UNC5B: variants seen among roughly 807,000 people sequenced by gnomAD.
UNC5B encodes the protein unc-5 netrin receptor B.
A neutral mutation model predicts 103.7 loss-of-function variants in UNC5B; 56 were observed. The observed-to-expected ratio is 0.54, with a 90% confidence interval of 0.44 to 0.67. UNC5B has a LOEUF of 0.67. Among genes scored for constraint, UNC5B ranks in the 30% least tolerant of loss-of-function variants. The pLI, the probability that UNC5B is intolerant of heterozygous loss-of-function variation, is 0.00. For synonymous variants in UNC5B, 577 were observed against 542.0 expected (o/e 1.06, Z -0.90); for missense variants, 1,194 against 1,284.5 (o/e 0.93, Z 1.08).
rs57747777 is a variant in UNC5B, at chr10:71,227,707, TACACACACAC to T, written c.79+14673_79+14682del. 3.5e-3 allele frequency among the ~76,000 whole-genome samples: 451 copies of T among 128,074 alleles called. 1 individual carries two copies. The highest frequency in any genetic ancestry group is 4.9e-3 in the Admixed American group (64 of 13,032). 84.0% of individuals were successfully genotyped at this position (128,074 alleles called of 152,430 possible). On this transcript the variant is annotated intron_variant, in intron 1 of 16. Coordinates refer to ENST00000335350, the MANE Select transcript of UNC5B (RefSeq NM_170744.5). Reference sequence around the variant, plus strand: ...ATATACACATATATATACACACATATACACACACACACACACACACACACACACACACACA... The same window carrying T: ...ATATACACATATATATACACACATATACACACACACACACACACACACACA...
chr10:71,287,911 C>T, intron 6 of UNC5B, 146 bp downstream of exon 6: 1 of 1,105,480 alleles, frequency 9.0e-7, no homozygotes, highest in Non-Finnish European at 1.2e-6. Context: ...CCCAGGCTGA[C>T]TAGATGCTCT....
rs546334241 is a variant in UNC5B at position 71,265,577 on chromosome 10, G to T, written c.80-14244G>T. Reference sequence around the variant, plus strand: ...ATCCCCAGACCCTGGGCTCATGGGGGCTTCAGCTGCATGCTGTGGCCTGGC... The same window carrying T: ...ATCCCCAGACCCTGGGCTCATGGGGTCTTCAGCTGCATGCTGTGGCCTGGC... On this transcript the variant is annotated intron_variant, in intron 1 of 16. Transcript: ENST00000335350. Among the ~76,000 whole-genome samples, 5 of 152,362 alleles carry T rather than the reference G, an allele frequency of 3.3e-5. No homozygotes were observed. In the South Asian group the frequency reaches 1.0e-3, roughly 32 times the overall value.
At chr10:71,245,449 A>G (rs528948767) in intron 1 of UNC5B, among the ~76,000 whole-genome samples, 1 of 152,256 alleles carries the variant, frequency 6.6e-6, no homozygotes, top group East Asian at 1.9e-4. Flanking sequence ...GCAGAATCCC[A>G]GTAGGGCCTG....
intron 1 of UNC5B, among the ~76,000 whole-genome samples, chr10:71,226,315 T>C (rs1843563062): frequency 1.3e-5 from 2 of 152,212 alleles, no homozygotes; most frequent in South Asian, 4.1e-4. Context: ...CCTCAAGTGA[T>C]CCGCTTGCCT....
At chr10:71,284,593 G>A in intron 2 of UNC5B, 127 bp from the exon 3 acceptor site, 1 of 1,373,564 alleles carries the variant, frequency 7.3e-7, no homozygotes, top group Non-Finnish European at 9.9e-7. Flanking sequence ...CAGGAGACAA[G>A]AGGAATGGAG....
intron 1 of UNC5B, among the ~76,000 whole-genome samples, chr10:71,251,954 A>G (rs898091730): frequency 3.9e-5 from 6 of 152,176 alleles, no homozygotes; most frequent in African/African-American, 1.4e-4. Context: ...ACCAGGTGTG[A>G]CATCTTTGTA....
intron 1 of UNC5B, among the ~76,000 whole-genome samples, chr10:71,276,047 A>G (rs1031819190): frequency 3.3e-5 from 5 of 152,206 alleles, no homozygotes; most frequent in Admixed American, 6.5e-5. Context: ...TGTGGCTATT[A>G]GGAATGGGAT....
intron 1 of UNC5B, among the ~76,000 whole-genome samples, chr10:71,214,384 C>T (rs1843292778): frequency 6.6e-6 from 1 of 151,410 alleles, no homozygotes; most frequent in Non-Finnish European, 1.5e-5. Flanking sequence ...AGTAGAGTTA[C>T]AACACTCAAC....
Position 71,296,574 on chromosome 10 carries a change from G to A in UNC5B, c.2326-4G>A, listed in dbSNP as rs377731909. The A allele has an allele frequency of 6.8e-5, 109 of 1,613,364 alleles. No homozygotes were observed. Among genetic ancestry groups the A allele is most frequent in the Non-Finnish European group, 8.3e-5 (98 of 1,179,936 alleles). On this transcript the variant is annotated splice_polypyrimidine_tract_variant and splice_region_variant and intron_variant, in intron 14 of 16. Transcript: ENST00000335350. ...TGCCTGGTCCTGACCCCCTCCTCCT[G>A]CAGGAGATCCCCTTCTATCACATTT...
intron 1 of UNC5B, among the ~76,000 whole-genome samples, chr10:71,239,829 C>A (rs1287224711): frequency 1.3e-5 from 2 of 152,212 alleles, no homozygotes; most frequent in African/African-American, 4.8e-5. Context: ...AGGGTTCCCT[C>A]CTGTGATCTG....
chr10:71,258,978 G>A (rs569777001), intron 1 of UNC5B, among the ~76,000 whole-genome samples: 130 of 152,378 alleles, frequency 8.5e-4, no homozygotes, highest in African/African-American at 3.1e-3. Context: ...CAGGCAGCCC[G>A]TGTGAGGCCA....
Position 71,300,562 on chromosome 10 carries a change from C to G in UNC5B, c.*1285C>G, listed in dbSNP as rs1348816219. On this transcript the variant is annotated 3_prime_UTR_variant, in exon 17 of 17. Transcript: ENST00000335350. ...CTAGGGTGGGGCCAGCCCTGACACCCTCATCCCCTCCTCAGCCCAGCAGCC... is the reference window on the plus strand; with the variant it reads ...CTAGGGTGGGGCCAGCCCTGACACCGTCATCCCCTCCTCAGCCCAGCAGCC... 6.6e-6 allele frequency: 1 copy of G among 152,378 alleles called. No homozygotes were observed. The highest frequency in any genetic ancestry group is 1.5e-5 in the Non-Finnish European group (1 of 68,164). The allele number at this position is 152,378 out of a possible 1,614,324, so 9.4% of individuals were successfully genotyped here.
chr10:71,289,107 C>T, intron 8 of UNC5B, 117 bp downstream of exon 8: 1 of 1,375,342 alleles, frequency 7.3e-7, no homozygotes, highest in South Asian at 1.2e-5. Flanking sequence ...TACCCACCCC[C>T]CACGGGATCA....
At position 71,293,824 on chromosome 10, in the gene UNC5B, G is replaced by T. The variant is rs144792154; in HGVS notation, c.2066G>T (p.Arg689Leu). 20 of 1,611,432 alleles carry T rather than the reference G, an allele frequency of 1.2e-5. No homozygotes were observed. The highest frequency in any genetic ancestry group is 4.5e-5 in the East Asian group (2 of 44,706). ...GTGTTCACGGGCGAGTCCTATTCCC[G>T]CTCAGCAGTCAAGCGGCTCCAGCTG... ...TYVFTGESYS[R>L]SAVKRLQLAV... is the part of the protein sequence containing the mutation. The change falls in exon 13 of 17, where the codon CGC (arginine) becomes CTC (leucine). Residue 689 changes from arginine to leucine, a missense_variant. Physicochemically the swap from Arg to Leu is moderately radical, Grantham distance 102. Coordinates refer to ENST00000335350, the MANE Select transcript of UNC5B (RefSeq NM_170744.5).
chr10:71,289,999 C>T (rs982715087), intron 8 of UNC5B, among the ~76,000 whole-genome samples: 1 of 152,200 alleles, frequency 6.6e-6, no homozygotes, highest in Non-Finnish European at 1.5e-5. Flanking sequence ...CCTGGAGCTC[C>T]CAAAGGAAGC....
chr10:71,291,865 T>G, intron 10 of UNC5B, 44 bp downstream of exon 10: 1 of 1,546,456 alleles, frequency 6.5e-7, no homozygotes. Flanking sequence ...CCTTAGCACC[T>G]CCTCTGTGGA....
chr10:71,218,787 T>TCC, intron 1 of UNC5B, among the ~76,000 whole-genome samples: 1 of 152,126 alleles, frequency 6.6e-6, no homozygotes, highest in East Asian at 1.9e-4. Flanking sequence ...TCAGCCTGTC[T>TCC]CCCCCAAAGG....
chr10:71,279,750 C>A, intron 1 of UNC5B, 71 bp from the exon 2 acceptor site: 2 of 1,509,122 alleles, frequency 1.3e-6, no homozygotes, highest in South Asian at 1.2e-5. Flanking sequence ...GGTGGGCCCC[C>A]GGGGTGGGCG....
chr10:71,228,635 A>G (rs1365284686), intron 1 of UNC5B, among the ~76,000 whole-genome samples: 1 of 152,262 alleles, frequency 6.6e-6, no homozygotes, highest in Non-Finnish European at 1.5e-5. Context: ...AGATAAACAC[A>G]TATTGTAAAA....
Sources: gnomAD v4.1 joint callset for allele counts (sites outside exome capture counted in the v4.1 genomes callset) on GRCh38, gnomAD v4.1.1 for gene constraint, MANE v1.5 for transcripts, NCBI Gene and HGNC (gene_info 2026-07-23, HGNC 2026-07-21) for gene names.